The following MGA variants were observed in gnomAD, a reference collection of about 807,000 sequenced individuals.
The protein encoded by MGA is MAX dimerization protein MGA.
In MGA, 40 loss-of-function variants were observed where a neutral mutation model predicts 261.1. The observed-to-expected ratio is 0.15, with a 90% CI of 0.12 to 0.20. The LOEUF (loss-of-function observed/expected upper bound fraction) is 0.20, where lower values mean the gene tolerates loss of function less well. MGA is among the 10% of genes least tolerant of loss of function. MGA has a pLI of 1.00. For synonymous variants in MGA, 1,302 were observed against 1,290.6 expected, an observed-to-expected ratio of 1.01 and a Z score of -0.19; for missense variants, 3,397 against 3,630.5, an observed-to-expected ratio of 0.94 and a Z score of 1.65.
intron 1 of MGA, among the ~76,000 whole-genome samples, chr15:41,631,780 T>C (rs2056593380): frequency 6.6e-6 from 1 of 152,228 alleles, no homozygotes; most frequent in Non-Finnish European, 1.5e-5. Context: ...ATTTTCATAT[T>C]TGAATTATAA....
intron 1 of MGA, among the ~76,000 whole-genome samples, chr15:41,624,145 A>C (rs571097218): frequency 6.6e-6 from 1 of 151,102 alleles, no homozygotes; most frequent in South Asian, 2.1e-4. Context: ...GCTTACTGCA[A>C]CCTCTGCTTC....
intron 20 of MGA, among the ~76,000 whole-genome samples, 153 bp downstream of exon 20, chr15:41,760,682 C>A (rs1596011961): frequency 6.6e-6 from 1 of 151,944 alleles, no homozygotes; most frequent in Non-Finnish European, 1.5e-5. Context: ...CAGTAAATCC[C>A]TTAGGGGGAA....
Position 41,727,220 on chromosome 15 carries a change from C to T in MGA, c.3471C>T (p.Tyr1157=), listed in dbSNP as rs1438460510. The T allele has an allele frequency of 1.9e-5, 30 of 1,613,850 alleles. No individual in the cohort carries two copies. Among genetic ancestry groups the T allele is most frequent in the Non-Finnish European group, 2.5e-5 (30 of 1,179,856 alleles). Residue 1157 remains tyrosine (Y), a synonymous_variant, in exon 10 of 24, where the codon TAC becomes TAT. Coordinates refer to ENST00000219905, the MANE Select transcript of MGA (RefSeq NM_001164273.2). ...AGCCTGAACAGCCTGTTCGACATTA[C>T]CCATTATGGGTAAAAGTAGAAGGTG...
intron 2 of MGA, among the ~76,000 whole-genome samples, chr15:41,673,645 T>A (rs1253397392): frequency 6.9e-6 from 1 of 144,908 alleles, no homozygotes; most frequent in African/African-American, 2.6e-5. Context: ...TGGGTTCAAG[T>A]GATTCTCCTG....
At chr15:41,714,407 G>A (rs1040852848) in intron 9 of MGA, among the ~76,000 whole-genome samples, 7 of 152,298 alleles carry the variant, frequency 4.6e-5, no homozygotes, top group African/African-American at 1.7e-4. Flanking sequence ...TTCAAGACAG[G>A]CTATTAAAAG....
At chr15:41,697,223 G>A (rs2059587932) in intron 3 of MGA, among the ~76,000 whole-genome samples, 200 bp downstream of exon 3, 1 of 152,008 alleles carries the variant, frequency 6.6e-6, no homozygotes, top group Non-Finnish European at 1.5e-5. Flanking sequence ...CATTTGAATA[G>A]ACTTAAAAAA....
intron 2 of MGA, among the ~76,000 whole-genome samples, chr15:41,680,054 C>T (rs746622205): frequency 5.9e-5 from 9 of 152,002 alleles, no homozygotes; most frequent in Non-Finnish European, 1.2e-4. Context: ...TGTTTTCTTC[C>T]CTTGATCAGT....
At chr15:41,642,587 G>A (rs7173431) in intron 1 of MGA, among the ~76,000 whole-genome samples, 22,928 of 151,910 alleles carry the variant, frequency 0.15, 2,623 homozygotes, top group East Asian at 0.68. Flanking sequence ...AGGTTCAAGC[G>A]ATTCTCCTGT....
At chr15:41,727,443 A>G in intron 10 of MGA, 37 bp downstream of exon 10, 1 of 1,572,198 alleles carries the variant, frequency 6.4e-7, no homozygotes, top group African/African-American at 1.4e-5. Flanking sequence ...ACAAGTTACC[A>G]AAGTCATGTG....
At chr15:41,706,555 G>T (rs1215543697) in intron 5 of MGA, among the ~76,000 whole-genome samples, 1 of 148,438 alleles carries the variant, frequency 6.7e-6, no homozygotes, top group African/African-American at 2.5e-5. Flanking sequence ...GCTTTACTAT[G>T]ATACTTAACA....
intron 9 of MGA, among the ~76,000 whole-genome samples, chr15:41,720,223 A>T (rs920268337): frequency 6.6e-6 from 1 of 152,208 alleles, no homozygotes; most frequent in Admixed American, 6.5e-5. Flanking sequence ...TAAAATGAAT[A>T]GACAAGTAGA....
At chr15:41,750,866 A>G in intron 17 of MGA, 1 of 365,786 alleles carries the variant, frequency 2.7e-6, no homozygotes, top group South Asian at 5.4e-5. Flanking sequence ...TAGGTGCTTG[A>G]GAGTCCCTAC....
At chr15:41,673,884 T>C (rs1171295911) in intron 2 of MGA, among the ~76,000 whole-genome samples, 1 of 152,106 alleles carries the variant, frequency 6.6e-6, no homozygotes. Flanking sequence ...TCTTCTCCCA[T>C]CTAATACTGA....
In MGA at chr15:41,769,641, G is replaced by A. The variant is rs1249911031; in HGVS notation, c.*2361G>A. On this transcript the variant is annotated 3_prime_UTR_variant, in exon 24 of 24. Coordinates refer to ENST00000219905, the MANE Select transcript of MGA (RefSeq NM_001164273.2). ...TATTACATGTGTGATTATGAAAGGT[G>A]AAGTTGAGTGAGAGGAGTTGAGGAA... 2 of 152,566 alleles carry A rather than the reference G, an allele frequency of 1.3e-5. No individual in the cohort carries two copies. The highest frequency in any genetic ancestry group is 4.8e-5 in the African/African-American group (2 of 41,420). The allele number at this position is 152,566 out of a possible 1,614,324, so 9.5% of individuals were successfully genotyped here.
intron 1 of MGA, among the ~76,000 whole-genome samples, chr15:41,665,419 C>T (rs911083513): frequency 4.6e-5 from 7 of 151,718 alleles, no homozygotes; most frequent in Admixed American, 1.3e-4. Context: ...CAGGGTCTCA[C>T]TCTGTCATCT....
chr15:41,750,921 CTCAG>C (rs2062796578), intron 17 of MGA: 1 of 216,196 alleles, frequency 4.6e-6, no homozygotes, highest in South Asian at 1.1e-4. Context: ...CCCATTTGAC[CTCAG>C]TCAATTTCTA....
Position 41,679,632 on chromosome 15 carries a change from G to T in MGA, c.1064+9674G>T, listed in dbSNP as rs1358672918. 1.4e-4 allele frequency among the ~76,000 whole-genome samples: 21 copies of T among 151,848 alleles called. No individual in the cohort carries two copies. In the East Asian group the frequency reaches 4.0e-3, roughly 29 times the overall value. On this transcript the variant is annotated intron_variant, in intron 2 of 23. Transcript: ENST00000219905. ...TGTATTGCATATTGTTCATTGTGTA[G>T]AAATACAATTGATTTTTGTGTGTTG...
intron 5 of MGA, among the ~76,000 whole-genome samples, chr15:41,703,592 A>G (rs1431831166): frequency 6.6e-6 from 1 of 152,110 alleles, no homozygotes; most frequent in African/African-American, 2.4e-5. Context: ...AAAATACAAA[A>G]TTTACTGGGT....
intron 17 of MGA, 49 bp from the exon 18 acceptor site, chr15:41,754,388 T>G: frequency 1.4e-6 from 2 of 1,461,030 alleles, no homozygotes; most frequent in South Asian, 2.9e-5. Context: ...AAAGTTTAGG[T>G]GTGCTTGCCA....
Sources: gnomAD v4.1 joint callset for allele counts (sites outside exome capture counted in the v4.1 genomes callset) on GRCh38, gnomAD v4.1.1 for gene constraint, MANE v1.5 for transcripts, NCBI Gene and HGNC (gene_info 2026-07-23, HGNC 2026-07-21) for gene names.